The following CNTNAP5 variants were observed in gnomAD, a reference collection of about 807,000 sequenced individuals.
CNTNAP5 encodes the protein contactin associated protein family member 5, also known as contactin-associated protein-like 5.
CNTNAP5 carries 72 observed loss-of-function variants against 150.2 expected under a neutral mutation model. The observed-to-expected ratio is 0.48, with a 90% CI of 0.40 to 0.58. The LOEUF (loss-of-function observed/expected upper bound fraction) is 0.58, where lower values mean the gene tolerates loss of function less well. Among genes scored for constraint, CNTNAP5 ranks in the 20% least tolerant of loss-of-function variants. The pLI is 0.00. For missense variants in CNTNAP5, 1,636 were observed against 1,626.2 expected, an observed-to-expected ratio of 1.01 and a Z score of -0.10; for synonymous variants, 672 against 619.8, an observed-to-expected ratio of 1.08 and a Z score of -1.25.
intron 1 of CNTNAP5, among the ~76,000 whole-genome samples, chr2:124,186,213 C>A (rs1685329421): frequency 6.6e-6 from 1 of 152,188 alleles, no homozygotes; most frequent in Non-Finnish European, 1.5e-5. Context: ...AATACAGTTT[C>A]ATATTTGTCT....
Position 124,665,106 on chromosome 2 carries a change from A to G in CNTNAP5, c.2077+17148A>G, listed in dbSNP as rs553070242. On this transcript the variant is annotated intron_variant, in intron 13 of 23. Coordinates refer to ENST00000682447, the MANE Select transcript of CNTNAP5 (RefSeq NM_001367498.1). ...ACAAACCAACAAACAAAAGGCAAAA[A>G]CAGGAAAAAAAGAAAAAAAGAAAAA... Among the ~76,000 whole-genome samples, 4 of 152,324 alleles carry G rather than the reference A, an allele frequency of 2.6e-5. No individual in the cohort carries two copies. The South Asian group carries it at 6.2e-4, about 24-fold the overall frequency.
At chr2:124,607,396 T>A (rs1677264274) in intron 11 of CNTNAP5, among the ~76,000 whole-genome samples, 1 of 152,120 alleles carries the variant, frequency 6.6e-6, no homozygotes, top group African/African-American at 2.4e-5. Context: ...GGAGTTGGCT[T>A]CTACCACCGT....
chr2:124,609,731 G>A (rs1677337915), intron 11 of CNTNAP5, 70 bp from the exon 12 acceptor site: 1 of 1,552,264 alleles, frequency 6.4e-7, no homozygotes, highest in Non-Finnish European at 8.8e-7. Context: ...CTAAGTAGGA[G>A]TTACTGATTC....
At chr2:124,390,460 GC>G (rs1691081177) in intron 3 of CNTNAP5, among the ~76,000 whole-genome samples, 1 of 152,140 alleles carries the variant, frequency 6.6e-6, no homozygotes, top group Non-Finnish European at 1.5e-5. Context: ...TCACTGGCTA[GC>G]CCCAATCTGA....
chr2:124,147,312 C>T (rs1337905581), intron 1 of CNTNAP5, among the ~76,000 whole-genome samples: 2 of 152,130 alleles, frequency 1.3e-5, no homozygotes, highest in African/African-American at 4.8e-5. Flanking sequence ...TATCAGCTAA[C>T]ACACTATATA....
At chr2:124,296,157 T>G (rs2104640153) in intron 3 of CNTNAP5, among the ~76,000 whole-genome samples, 1 of 152,328 alleles carries the variant, frequency 6.6e-6, no homozygotes, top group Admixed American at 6.5e-5. Flanking sequence ...TAGTGCACTT[T>G]TTTTTCATGC....
At chr2:124,358,087 C>T (rs1011069235) in intron 3 of CNTNAP5, among the ~76,000 whole-genome samples, 1 of 152,160 alleles carries the variant, frequency 6.6e-6, no homozygotes, top group African/African-American at 2.4e-5. Flanking sequence ...TGGGAGTTCA[C>T]TCATGGTTTG....
At position 124,553,717 on chromosome 2, in the gene CNTNAP5, C is replaced by T. The variant is rs180702811; in HGVS notation, c.1650-9500C>T. ...AGGGAATTTGGGTGAACAACTTGGC[C>T]AATAGATTAAATCTAAAACCTGTTA... On this transcript the variant is annotated intron_variant, in intron 10 of 23. Coordinates refer to ENST00000682447, the MANE Select transcript of CNTNAP5 (RefSeq NM_001367498.1). Among the ~76,000 whole-genome samples the T allele has an allele frequency of 3.7e-4, 57 of 152,106 alleles. 1 individual carries two copies. In the South Asian group the frequency reaches 6.6e-3, roughly 18 times the overall value.
At chr2:124,174,119 A>G (rs2104668890) in intron 1 of CNTNAP5, among the ~76,000 whole-genome samples, 1 of 152,252 alleles carries the variant, frequency 6.6e-6, no homozygotes, top group African/African-American at 2.4e-5. Context: ...GGAAAAAAAA[A>G]AAAAAAGATT....
At chr2:124,347,887 C>T (rs566781018) in intron 3 of CNTNAP5, among the ~76,000 whole-genome samples, 1 of 151,178 alleles carries the variant, frequency 6.6e-6, no homozygotes, top group Non-Finnish European at 1.5e-5. Context: ...TGCAGTGGCA[C>T]GAACTCCGCT....
chr2:124,420,067 T>C (rs1372055620), intron 4 of CNTNAP5, among the ~76,000 whole-genome samples: 1 of 141,436 alleles, frequency 7.1e-6, no homozygotes, highest in Non-Finnish European at 1.5e-5. Flanking sequence ...CTCAGCTCAC[T>C]GCAACCTCCG....
At chr2:124,421,906 T>C (rs1692112151) in intron 4 of CNTNAP5, among the ~76,000 whole-genome samples, 1 of 152,178 alleles carries the variant, frequency 6.6e-6, no homozygotes, top group Admixed American at 6.5e-5. Context: ...CATGGATATG[T>C]GATGTGCTGT....
At chr2:124,303,755 G>A (rs1356308931) in intron 3 of CNTNAP5, among the ~76,000 whole-genome samples, 2 of 152,130 alleles carry the variant, frequency 1.3e-5, no homozygotes, top group Admixed American at 6.5e-5. Flanking sequence ...ATAACAGACT[G>A]GGCACCATGG....
chr2:124,774,181 C>A (rs1681270761), intron 17 of CNTNAP5, among the ~76,000 whole-genome samples: 2 of 152,006 alleles, frequency 1.3e-5, no homozygotes, highest in Non-Finnish European at 2.9e-5. Context: ...TCAGTCTACC[C>A]AGATTTAACT....
At chr2:124,312,928 C>T (rs969398855) in intron 3 of CNTNAP5, among the ~76,000 whole-genome samples, 1 of 152,188 alleles carries the variant, frequency 6.6e-6, no homozygotes, top group African/African-American at 2.4e-5. Context: ...TGGTCTCGAA[C>T]TCCTGACCTC....
chr2:124,666,246 G>C (rs897181667), intron 13 of CNTNAP5, among the ~76,000 whole-genome samples: 4 of 152,168 alleles, frequency 2.6e-5, no homozygotes, highest in African/African-American at 9.7e-5. Flanking sequence ...CAGGGGCTTA[G>C]AGGTTATAGG....
At chr2:124,598,372 C>G (rs1696882182) in intron 11 of CNTNAP5, among the ~76,000 whole-genome samples, 1 of 100,934 alleles carries the variant, frequency 9.9e-6, no homozygotes, top group South Asian at 4.4e-4. Context: ...AGACAGGACC[C>G]TCAGCTGCAG....
intron 1 of CNTNAP5, among the ~76,000 whole-genome samples, chr2:124,074,037 C>T (rs573243185): frequency 2.6e-4 from 39 of 152,134 alleles, no homozygotes; most frequent in African/African-American, 9.4e-4. Context: ...TCATTTGCAA[C>T]AATATGGATA....
intron 3 of CNTNAP5, among the ~76,000 whole-genome samples, chr2:124,293,794 G>T (rs1020854652): frequency 6.6e-6 from 1 of 151,936 alleles, no homozygotes; most frequent in African/African-American, 2.4e-5. Flanking sequence ...AACACCCGAG[G>T]ACAGCAAACA....
Sources: allele counts gnomAD v4.1 joint callset (sites outside exome capture counted in the v4.1 genomes callset), GRCh38; gene constraint gnomAD v4.1.1; transcripts MANE v1.5; gene names NCBI Gene and HGNC (gene_info 2026-07-23, HGNC 2026-07-21).